PARP4: variants seen among roughly 807,000 people sequenced by gnomAD.
The protein encoded by PARP4 is protein mono-ADP-ribosyltransferase PARP4.
In PARP4, 120 loss-of-function variants were observed where a neutral mutation model predicts 187.7. That is an observed-to-expected ratio of 0.64 (90% CI 0.55 to 0.74). The LOEUF (loss-of-function observed/expected upper bound fraction) is 0.74. Ranked by LOEUF, PARP4 falls within the 30% of genes least tolerant of loss-of-function variation. The pLI, the probability that PARP4 is intolerant of heterozygous loss-of-function variation, is 0.00. For missense variants in PARP4, 1,836 were observed against 2,070.5 expected, an observed-to-expected ratio of 0.89 and a Z score of 2.20; for synonymous variants, 654 against 740.9, an observed-to-expected ratio of 0.88 and a Z score of 1.90.
At chr13:24,477,198 G>C (rs1873029151) in intron 14 of PARP4, among the ~76,000 whole-genome samples, 1 of 152,198 alleles carries the variant, frequency 6.6e-6, no homozygotes. Flanking sequence ...AAGGAAATGA[G>C]GCTGGCCATG....
At chr13:24,461,047 C>T (rs1372718519) in intron 17 of PARP4, among the ~76,000 whole-genome samples, 1 of 152,112 alleles carries the variant, frequency 6.6e-6, no homozygotes. Context: ...GTGGCAACCC[C>T]ATGACTAGCT....
rs745353944 is a variant in PARP4 at position 24,434,929 on chromosome 13, G to A, written c.4212C>T (p.Ser1404=). The part of the protein sequence containing the change: ...SPYCGIVFSG[S]SLSSAQSAPL... Reference sequence around the variant, plus strand: ...GAGCAGACTGTGCAGAGCTTAATGAGCTCCCTGAAAAAACAATGCCACAAT... The same window carrying A: ...GAGCAGACTGTGCAGAGCTTAATGAACTCCCTGAAAAAACAATGCCACAAT... Residue 1404 remains serine (S), a synonymous_variant, in exon 31 of 34, where the codon AGC becomes AGT. Transcript: ENST00000381989. The A allele has an allele frequency of 1.7e-5, 28 of 1,613,784 alleles. No homozygotes were observed. Among genetic ancestry groups the A allele is most frequent in the Non-Finnish European group, 2.3e-5 (27 of 1,179,908 alleles).
intron 10 of PARP4, among the ~76,000 whole-genome samples, chr13:24,489,856 T>A (rs1461787949): frequency 6.6e-6 from 1 of 152,132 alleles, no homozygotes; most frequent in African/African-American, 2.4e-5. Flanking sequence ...CTGATTTCCA[T>A]GGCGCAAATC....
chr13:24,442,256 A>G (rs74884701), intron 29 of PARP4, among the ~76,000 whole-genome samples: 5 of 151,750 alleles, frequency 3.3e-5, no homozygotes, highest in African/African-American at 1.2e-4. Flanking sequence ...GGCCTTTTCT[A>G]TTTTTTGAGG....
intron 17 of PARP4, among the ~76,000 whole-genome samples, chr13:24,460,429 G>C (rs902819561): frequency 6.8e-6 from 1 of 148,132 alleles, no homozygotes; most frequent in African/African-American, 2.6e-5. Flanking sequence ...TCATGTGTGA[G>C]CTCTCTGCAC....
Position 24,435,475 on chromosome 13 carries a change from C to T in PARP4, c.3667-1G>A, listed in dbSNP as rs201251739. 4.6e-4 allele frequency: 727 copies of T among 1,578,276 alleles called. 1 individual carries two copies. Among genetic ancestry groups the T allele is most frequent in the South Asian group, 3.4e-3 (286 of 85,088 alleles). Reference sequence around the variant, plus strand: ...GCCACTCAGAGGATGCTAAAAGAGACTGCCCAGAAGACAGAATTATTAACG... The same window carrying T: ...GCCACTCAGAGGATGCTAAAAGAGATTGCCCAGAAGACAGAATTATTAACG... On this transcript the variant is annotated splice_acceptor_variant, in intron 30 of 33. Coordinates refer to ENST00000381989, the MANE Select transcript of PARP4 (RefSeq NM_006437.4). LOFTEE classifies it high-confidence loss of function.
intron 33 of PARP4, among the ~76,000 whole-genome samples, chr13:24,425,543 ATGTGTGTG>A (rs34792097): frequency 0.093 from 13,441 of 144,824 alleles, 1,641 homozygotes; most frequent in African/African-American, 0.28. Context: ...GCATGTGTGC[ATGTGTGTG>A]TGTGTGTGTG....
intron 23 of PARP4, 28 bp downstream of exon 23, chr13:24,453,559 G>C: frequency 7.2e-7 from 1 of 1,397,904 alleles, no homozygotes; most frequent in Non-Finnish European, 1.0e-6. Context: ...AAAAGACCCA[G>C]GAGATACAGG....
chr13:24,457,151 A>T lies in PARP4; in HGVS notation c.2425-673T>A, dbSNP rs150565266. On this transcript the variant is annotated intron_variant, in intron 20 of 33. Transcript: ENST00000381989. ...AGACTAAAATAGAAAATTCAACAGA[A>T]ATCTTAGAATCATAACTTATTTGTA... Among the ~76,000 whole-genome samples the T allele has an allele frequency of 5.2e-3, 789 of 152,240 alleles. 11 individuals carry two copies. The highest frequency in any genetic ancestry group is 0.018 in the African/African-American group (740 of 41,542).
intron 25 of PARP4, among the ~76,000 whole-genome samples, chr13:24,447,694 T>G (rs1319766464): frequency 3.3e-5 from 5 of 152,272 alleles, no homozygotes; most frequent in African/African-American, 1.2e-4. Context: ...CATATCCTTT[T>G]CATTTACAAA....
chr13:24,460,227 G>T, intron 17 of PARP4, 91 bp from the exon 18 acceptor site: 1 of 1,052,402 alleles, frequency 9.5e-7, no homozygotes, highest in Non-Finnish European at 1.4e-6. Context: ...CAACTTGAAT[G>T]ACAACCTGCC....
At chr13:24,464,510 T>A (rs1301277434) in intron 17 of PARP4, among the ~76,000 whole-genome samples, 3 of 152,184 alleles carry the variant, frequency 2.0e-5, no homozygotes, top group African/African-American at 7.2e-5. Context: ...TACAACTGTC[T>A]GATCTTCAAC....
chr13:24,435,075 G>A lies in PARP4; in HGVS notation c.4066C>T (p.Pro1356Ser), dbSNP rs1417102830. The A allele has an allele frequency of 6.2e-7, 1 of 1,614,160 alleles. No homozygotes were observed. Among genetic ancestry groups the A allele is most frequent in the Admixed American group, 1.7e-5 (1 of 60,018 alleles). Reference protein sequence around the residue: ...QVASFGSAAPPRQFDASQFSQ... With the variant: ...QVASFGSAAPSRQFDASQFSQ... Reference sequence around the variant, plus strand: ...AATTGAGATGCATCAAACTGTCTGGGAGGAGCAGCTGAACCGAAACTAGCT... The same window carrying A: ...AATTGAGATGCATCAAACTGTCTGGAAGGAGCAGCTGAACCGAAACTAGCT... The change falls in exon 31 of 34, where the codon CCC (proline) becomes TCC (serine). Residue 1356 changes from proline (P) to serine (S), a missense_variant. Physicochemically the swap from Pro to Ser is moderately conservative, Grantham distance 74. Around this residue, in one of 8 missense-constraint regions of PARP4, gnomAD observed 450 missense variants for 439.2 expected, o/e 1.02. Coordinates refer to ENST00000381989, the MANE Select transcript of PARP4 (RefSeq NM_006437.4).
chr13:24,501,653 TCAGGAG>T lies in PARP4; in HGVS notation c.308_313del (p.Pro103_Asp105delinsHis). The stretch of plus-strand genomic sequence containing the variant: ...CCTACCAGAACTGCTCGCCTTCTGA[TCAGGAG>T]GTGGTGTGATGTCCAGGGGCTTATA... On this transcript the variant is annotated inframe_deletion, in exon 3 of 34. Transcript: ENST00000381989. 2.5e-6 allele frequency: 4 copies of T among 1,613,094 alleles called. No homozygotes were observed. Among genetic ancestry groups the T allele is most frequent in the Middle Eastern group, 1.7e-4 (1 of 6,060 alleles).
rs536846934 is a variant in PARP4 at position 24,483,257 on chromosome 13, C to T, written c.1448+1396G>A. Among the ~76,000 whole-genome samples, 13 of 151,536 alleles carry T rather than the reference C, an allele frequency of 8.6e-5. No individual in the cohort carries two copies. The South Asian group carries it at 1.3e-3, about 15-fold the overall frequency. ...ATCCCAGCACTTTGGGAGGCCGAGGCGGGTGGATCATGAGGTCAGGAGATC... is the reference window on the plus strand; with the variant it reads ...ATCCCAGCACTTTGGGAGGCCGAGGTGGGTGGATCATGAGGTCAGGAGATC... On this transcript the variant is annotated intron_variant, in intron 12 of 33. Transcript: ENST00000381989.
Position 24,452,504 on chromosome 13 carries a change from G to T in PARP4, c.2916C>A (p.Ile972=), listed in dbSNP as rs781025520. Residue 972 remains isoleucine (I), a synonymous_variant, in exon 24 of 34, where the codon ATC becomes ATA. Transcript: ENST00000381989. ...LLYPARGSRN[I]LLVSDGHLQD... is the part of the protein sequence containing the mutation. ...GGAGGTGCCCATCAGACACCAGGAG[G>T]ATGTTCCGTGACCCTCGAGCAGGGT... 14 of 1,614,122 alleles carry T rather than the reference G, an allele frequency of 8.7e-6. 1 individual carries two copies. The South Asian group carries it at 1.4e-4, about 16-fold the overall frequency.
intron 30 of PARP4, among the ~76,000 whole-genome samples, chr13:24,440,980 T>C (rs1042011724): frequency 1.4e-4 from 21 of 152,118 alleles, no homozygotes; most frequent in African/African-American, 5.1e-4. Context: ...GCAAGCATCC[T>C]CCTGCCACAG....
intron 15 of PARP4, among the ~76,000 whole-genome samples, chr13:24,472,777 G>A (rs2137503608): frequency 6.6e-6 from 1 of 152,108 alleles, no homozygotes; most frequent in East Asian, 1.9e-4. Flanking sequence ...CTCCTGTGAT[G>A]CTTGTCTTTT....
In PARP4 at chr13:24,478,261, G is replaced by A; in HGVS notation, c.1464C>T (p.Tyr488=). 2.5e-6 allele frequency: 4 copies of A among 1,607,752 alleles called. No homozygotes were observed. The highest frequency in any genetic ancestry group is 3.4e-6 in the Non-Finnish European group (4 of 1,176,100). ...FSDSLSTSIK[Y]SHPGETDGTR... ...TGCCATCTGTCTCTCCCGGGTGTGA[G>A]TACTTGATACTTGTACTACATGCGA... Residue 488 remains tyrosine, a synonymous_variant, in exon 13 of 34, where the codon TAC becomes TAT. Transcript: ENST00000381989.
Sources: gnomAD v4.1 joint callset for allele counts (sites outside exome capture counted in the v4.1 genomes callset) on GRCh38, gnomAD v4.1.1 for gene constraint, gnomAD v4.1.1 regional missense constraint, MANE v1.5 for transcripts, NCBI Gene and HGNC (gene_info 2026-07-23, HGNC 2026-07-21) for gene names.